Variants in KAZN observed in about 807,000 individuals in gnomAD.
The protein encoded by KAZN is kazrin.
KAZN carries 40 observed loss-of-function variants against 87.4 expected under a neutral mutation model. The ratio of observed to expected loss-of-function variants is 0.46; its 90% CI spans 0.36 to 0.60. KAZN has a LOEUF of 0.60. Ranked by LOEUF, KAZN falls within the 20% of genes least tolerant of loss-of-function variation. KAZN has a pLI of 0.00. For synonymous variants in KAZN, 466 were observed against 458.3 expected (o/e 1.02, Z -0.22); for missense variants, 898 against 1,073.9 (o/e 0.84, Z 2.29).
intron 2 of KAZN, among the ~76,000 whole-genome samples, chr1:14,271,116 G>A (rs573111300): frequency 5.3e-5 from 8 of 152,330 alleles, no homozygotes; most frequent in South Asian, 2.1e-4. Context: ...TGCAAATGGC[G>A]TCTTCTCCCT....
At chr1:14,960,561 T>G in intron 1 of KAZN, 123 bp from the exon 2 acceptor site, 2 of 993,148 alleles carry the variant, frequency 2.0e-6, no homozygotes, top group Non-Finnish European at 2.9e-6. Context: ...CCTTCACACA[T>G]GTAGGAAAGG....
intron 2 of KAZN, among the ~76,000 whole-genome samples, chr1:14,570,124 T>A (rs1231098528): frequency 1.3e-5 from 2 of 152,004 alleles, no homozygotes; most frequent in Admixed American, 1.3e-4. Context: ...AAAAAATTAA[T>A]AATAAAAAAT....
chr1:15,106,744 A>C (rs569538194), intron 13 of KAZN, among the ~76,000 whole-genome samples: 73 of 152,272 alleles, frequency 4.8e-4, no homozygotes, highest in Non-Finnish European at 8.2e-4. Context: ...GACAATGCAC[A>C]TGACCCAAAG....
At chr1:14,896,377 G>A (rs1026764545) in intron 1 of KAZN, among the ~76,000 whole-genome samples, 2 of 152,164 alleles carry the variant, frequency 1.3e-5, no homozygotes, top group African/African-American at 4.8e-5. Context: ...TTTAAAAGAC[G>A]ATGAAGGAGG....
chr1:14,446,460 G>A (rs1010184741), intron 2 of KAZN, among the ~76,000 whole-genome samples: 1 of 152,080 alleles, frequency 6.6e-6, no homozygotes, highest in Non-Finnish European at 1.5e-5. Context: ...GCCTCCCTAG[G>A]ATGCTAGTGG....
intron 1 of KAZN, among the ~76,000 whole-genome samples, chr1:14,065,325 A>G (rs1442361409): frequency 6.6e-6 from 1 of 152,194 alleles, no homozygotes; most frequent in Non-Finnish European, 1.5e-5. Flanking sequence ...CTTAGAACAG[A>G]AAGCATAAAG....
At chr1:14,793,249 G>T (rs756287414) in intron 1 of KAZN, among the ~76,000 whole-genome samples, 35 of 152,170 alleles carry the variant, frequency 2.3e-4, no homozygotes, top group Non-Finnish European at 4.1e-4. Context: ...CATCTCCGGG[G>T]GTAGCCTGGC....
At chr1:14,098,696 C>G (rs1644183002) in intron 1 of KAZN, among the ~76,000 whole-genome samples, 1 of 152,184 alleles carries the variant, frequency 6.6e-6, no homozygotes, top group Non-Finnish European at 1.5e-5. Flanking sequence ...ATTTGGACTT[C>G]CCTGAGTAGC....
intron 1 of KAZN, chr1:14,124,097 T>G (rs1045241240): frequency 3.3e-5 from 5 of 152,344 alleles, no homozygotes; most frequent in Admixed American, 6.5e-5. Context: ...CTTTCTTATA[T>G]CACAAATCAC....
intron 2 of KAZN, among the ~76,000 whole-genome samples, chr1:15,030,195 G>A (rs79201914): frequency 9.6e-4 from 146 of 152,310 alleles, no homozygotes; most frequent in African/African-American, 3.2e-3. Flanking sequence ...ATTCATCAGC[G>A]ACAGCGGGGC....
At chr1:14,931,674 C>T (rs917004203) in intron 1 of KAZN, among the ~76,000 whole-genome samples, 2 of 152,148 alleles carry the variant, frequency 1.3e-5, no homozygotes, top group African/African-American at 4.8e-5. Context: ...TTCCACAGAT[C>T]AGACATTGAG....
intron 1 of KAZN, among the ~76,000 whole-genome samples, chr1:13,927,126 T>C (rs1640309734): frequency 1.3e-5 from 2 of 152,220 alleles, no homozygotes; most frequent in South Asian, 4.1e-4. Context: ...GTGACCCAAT[T>C]TCCGTGTTCT....
intron 2 of KAZN, among the ~76,000 whole-genome samples, chr1:14,527,621 C>A (rs1029194620): frequency 6.6e-6 from 1 of 151,262 alleles, no homozygotes; most frequent in Admixed American, 6.6e-5. Context: ...ACAAGAAACA[C>A]AATGCCGGCA....
chr1:14,612,236 C>T (rs1459793169), intron 1 of KAZN, among the ~76,000 whole-genome samples: 2 of 152,150 alleles, frequency 1.3e-5, no homozygotes, highest in African/African-American at 4.8e-5. Context: ...AGAGGAGACA[C>T]TTGCTGCCGC....
At position 14,858,209 on chromosome 1, in the gene KAZN, C is replaced by CTTTTTTTTTTTTTTTTTTTTTTTTTTTTT. The variant is rs762613728; in HGVS notation, c.227-102471_227-102470insTTTTTTTTTTTTTTTTTTTTTTTTTTTTT. ...CTTTCTTTTTTTCTTTTTTCTTTTT[C>CTTTTTTTTTTTTTTTTTTTTTTTTTTTTT]TTTTCTTTTTTTTTTTTTTTTGAGA... On this transcript the variant is annotated intron_variant, in intron 1 of 14. Coordinates refer to ENST00000376030, the MANE Select transcript of KAZN (RefSeq NM_201628.3). Among the ~76,000 whole-genome samples the CTTTTTTTTTTTTTTTTTTTTTTTTTTTTT allele has an allele frequency of 7.3e-4, 85 of 115,880 alleles. 6 individuals are homozygous for CTTTTTTTTTTTTTTTTTTTTTTTTTTTTT. Among genetic ancestry groups the CTTTTTTTTTTTTTTTTTTTTTTTTTTTTT allele is most frequent in the African/African-American group, 1.3e-3 (34 of 26,364 alleles). 76.0% of individuals were successfully genotyped at this position (115,880 alleles called of 152,430 possible). A position where few individuals can be genotyped will look rare whatever the true frequency, so the allele number is the denominator to read the frequency against.
Position 14,166,016 on chromosome 1 carries a change from G to A in KAZN, c.92-14419G>A, listed in dbSNP as rs565906554. The stretch of plus-strand genomic sequence containing the variant: ...GCGTAAGGCCGGAAAGGGGCCACTC[G>A]GTATCTCAAAAGTAAATTAAAAAAA... On this transcript the variant is annotated intron_variant, in intron 1 of 16. Coordinates refer to the KAZN transcript ENST00000636203. Among the ~76,000 whole-genome samples the A allele has an allele frequency of 7.9e-5, 12 of 152,174 alleles. No homozygotes were observed. The South Asian group carries it at 8.3e-4, about 11-fold the overall frequency.
chr1:13,919,822 A>G (rs1370899232), intron 1 of KAZN, among the ~76,000 whole-genome samples: 1 of 152,208 alleles, frequency 6.6e-6, no homozygotes, highest in African/African-American at 2.4e-5. Context: ...AGTCCACAAT[A>G]TTAATATTTC....
chr1:14,552,066 T>C (rs1332777427), intron 2 of KAZN, among the ~76,000 whole-genome samples: 4 of 152,126 alleles, frequency 2.6e-5, no homozygotes, highest in Non-Finnish European at 5.9e-5. Context: ...TAGGAGTTGG[T>C]TCAAAGCTGA....
rs186539676 is a variant in KAZN, at chr1:14,669,700, T to G, written c.226+70477T>G. On this transcript the variant is annotated intron_variant, in intron 1 of 14. Coordinates refer to ENST00000376030, the MANE Select transcript of KAZN (RefSeq NM_201628.3). ...AGTTTGAGGCTGCAGTGAGCCAAGA[T>G]CGTGTCATTGCATTCCAGCCTTGGT... 1.8e-3 allele frequency among the ~76,000 whole-genome samples: 278 copies of G among 152,250 alleles called. 1 individual carries two copies. The highest frequency in any genetic ancestry group is 5.7e-3 in the African/African-American group (236 of 41,558).
Sources: gnomAD v4.1 joint callset for allele counts (sites outside exome capture counted in the v4.1 genomes callset) on GRCh38, gnomAD v4.1.1 for gene constraint, MANE v1.5 for transcripts, NCBI Gene and HGNC (gene_info 2026-07-23, HGNC 2026-07-21) for gene names.